The following GRM8 variants were observed in gnomAD, a reference collection of about 807,000 sequenced individuals.
GRM8 encodes the protein metabotropic glutamate receptor 8.
In GRM8, 47 loss-of-function variants were observed where a neutral mutation model predicts 87.2. That is an observed-to-expected ratio of 0.54 (90% CI 0.43 to 0.69). The LOEUF (loss-of-function observed/expected upper bound fraction) is 0.69, where lower values mean the gene tolerates loss of function less well. Ranked by LOEUF, GRM8 falls within the 30% of genes least tolerant of loss-of-function variation. The pLI is 0.00. For synonymous variants in GRM8, 396 were observed against 404.5 expected, an observed-to-expected ratio of 0.98 and a Z score of 0.25; for missense variants, 1,019 against 1,139.2, an observed-to-expected ratio of 0.89 and a Z score of 1.52.
At chr7:126,979,994 C>T (rs868803756) in intron 3 of GRM8, among the ~76,000 whole-genome samples, 89 of 152,316 alleles carry the variant, frequency 5.8e-4, no homozygotes, top group Middle Eastern at 6.8e-3. Context: ...CTCAGATGTA[C>T]AAGCCACATT....
chr7:126,593,727 C>G (rs569764646), intron 8 of GRM8, among the ~76,000 whole-genome samples: 1 of 151,882 alleles, frequency 6.6e-6, no homozygotes, highest in African/African-American at 2.4e-5. Context: ...GCACAGAAAA[C>G]AAAAGCAAAA....
At chr7:126,481,365 A>G (rs1012096034) in intron 9 of GRM8, among the ~76,000 whole-genome samples, 1 of 152,102 alleles carries the variant, frequency 6.6e-6, no homozygotes, top group African/African-American at 2.4e-5. Context: ...AATATTTATC[A>G]ATTACCAATG....
At chr7:127,075,487 TAGTC>T (rs1822162293) in intron 3 of GRM8, among the ~76,000 whole-genome samples, 1 of 152,138 alleles carries the variant, frequency 6.6e-6, no homozygotes, top group Admixed American at 6.5e-5. Context: ...TTTAAACTTT[TAGTC>T]AGGGCGAAGT....
At chr7:126,546,912 G>C (rs191344847) in intron 8 of GRM8, among the ~76,000 whole-genome samples, 55 of 152,276 alleles carry the variant, frequency 3.6e-4, no homozygotes, top group Non-Finnish European at 7.1e-4. Flanking sequence ...TTGGATGCAA[G>C]GCACCTGGCA....
intron 7 of GRM8, among the ~76,000 whole-genome samples, chr7:126,706,523 G>A (rs139062056): frequency 6.7e-4 from 102 of 152,220 alleles, no homozygotes; most frequent in African/African-American, 1.9e-3. Context: ...GCTGTCAACC[G>A]TATGAATGAG....
chr7:126,983,610 T>C (rs1400845265), intron 3 of GRM8, among the ~76,000 whole-genome samples: 1 of 152,152 alleles, frequency 6.6e-6, no homozygotes, highest in Non-Finnish European at 1.5e-5. Flanking sequence ...CTGGGGTGAC[T>C]GACCCAGACT....
At chr7:126,898,077 C>G (rs1292122618) in intron 6 of GRM8, among the ~76,000 whole-genome samples, 20 of 152,136 alleles carry the variant, frequency 1.3e-4, no homozygotes, top group African/African-American at 4.6e-4. Context: ...TAAAATGTTA[C>G]TCAACACATA....
chr7:127,186,642 C>A (rs1222716459), intron 2 of GRM8, among the ~76,000 whole-genome samples: 1 of 152,154 alleles, frequency 6.6e-6, no homozygotes, highest in Non-Finnish European at 1.5e-5. Context: ...GTTTATTTCT[C>A]TTCATCTGTT....
At chr7:126,814,402 G>A (rs1170874467) in intron 6 of GRM8, among the ~76,000 whole-genome samples, 1 of 151,902 alleles carries the variant, frequency 6.6e-6, no homozygotes, top group Non-Finnish European at 1.5e-5. Flanking sequence ...ATCAATCCTT[G>A]GATTCATGTT....
chr7:126,982,738 C>T (rs530557750), intron 3 of GRM8, among the ~76,000 whole-genome samples: 1 of 152,306 alleles, frequency 6.6e-6, no homozygotes, highest in South Asian at 2.1e-4. Context: ...CAACTGGTCA[C>T]GTGGTCATAG....
At chr7:126,773,223 T>C (rs923295162) in intron 6 of GRM8, among the ~76,000 whole-genome samples, 1 of 152,136 alleles carries the variant, frequency 6.6e-6, no homozygotes, top group Admixed American at 6.6e-5. Context: ...ATACCTCTTC[T>C]GTAAATATTA....
rs74688148 is a variant in GRM8 at position 126,927,752 on chromosome 7, C to A, written c.728-23069G>T. Among the ~76,000 whole-genome samples, 122 of 152,274 alleles carry A rather than the reference C, an allele frequency of 8.0e-4. 1 individual carries two copies. The highest frequency in any genetic ancestry group is 2.8e-3 in the African/African-American group (116 of 41,560). Reference sequence around the variant, plus strand: ...GAGAGGATGTGGAGAAATAGGAACACTTTTACACTGTTGGTGGGACTGTAA... The same window carrying A: ...GAGAGGATGTGGAGAAATAGGAACAATTTTACACTGTTGGTGGGACTGTAA... On this transcript the variant is annotated intron_variant, in intron 3 of 10. Coordinates refer to ENST00000339582, the MANE Select transcript of GRM8 (RefSeq NM_000845.3).
At chr7:126,681,359 A>G (rs1198218370) in intron 7 of GRM8, among the ~76,000 whole-genome samples, 2 of 151,612 alleles carry the variant, frequency 1.3e-5, no homozygotes, top group Non-Finnish European at 2.9e-5. Flanking sequence ...TCCATCCTCC[A>G]CTCTCCACAA....
At chr7:126,959,595 G>A (rs1809097138) in intron 3 of GRM8, among the ~76,000 whole-genome samples, 1 of 152,028 alleles carries the variant, frequency 6.6e-6, no homozygotes, top group Admixed American at 6.5e-5. Flanking sequence ...CAAGCAAAAA[G>A]GGCTACCTTC....
intron 7 of GRM8, among the ~76,000 whole-genome samples, chr7:126,649,877 G>A (rs1803607537): frequency 6.6e-6 from 1 of 152,186 alleles, no homozygotes; most frequent in Admixed American, 6.5e-5. Flanking sequence ...TGACCCAGGA[G>A]ATCCAATGGT....
At chr7:126,662,587 G>A (rs549495725) in intron 7 of GRM8, among the ~76,000 whole-genome samples, 89 of 152,270 alleles carry the variant, frequency 5.8e-4, no homozygotes, top group African/African-American at 2.1e-3. Context: ...AATCTCTGAT[G>A]ACCTCAAATT....
intron 7 of GRM8, among the ~76,000 whole-genome samples, chr7:126,617,594 T>C (rs903826040): frequency 3.3e-5 from 5 of 152,152 alleles, no homozygotes; most frequent in African/African-American, 1.2e-4. Flanking sequence ...ATTGTCCCTG[T>C]TTGCAGATGA....
chr7:126,951,209 C>T (rs1361966), intron 3 of GRM8, among the ~76,000 whole-genome samples: 15,459 of 152,034 alleles, frequency 0.1, 936 homozygotes, highest in East Asian at 0.21. Flanking sequence ...TAAGAAAACA[C>T]ATACATAACT....
At chr7:126,741,728 G>C (rs1448615272) in intron 7 of GRM8, among the ~76,000 whole-genome samples, 1 of 152,008 alleles carries the variant, frequency 6.6e-6, no homozygotes, top group Non-Finnish European at 1.5e-5. Flanking sequence ...TAATCTCCCT[G>C]AGCCTTCGTT....
Sources: allele counts gnomAD v4.1 joint callset (sites outside exome capture counted in the v4.1 genomes callset), GRCh38; gene constraint gnomAD v4.1.1; transcripts MANE v1.5; gene names NCBI Gene and HGNC (gene_info 2026-07-23, HGNC 2026-07-21).